PRSS23: variants seen among roughly 807,000 people sequenced by gnomAD.
The protein encoded by PRSS23 is protease, serine 23.
PRSS23 carries 25 observed loss-of-function variants against 34.7 expected under a neutral mutation model. That is an observed-to-expected ratio of 0.72 (90% CI 0.53 to 1.01). PRSS23 has a LOEUF of 1.01. PRSS23 is among the 50% of genes least tolerant of loss of function. PRSS23 has a pLI of 0.00. For synonymous variants in PRSS23, 176 were observed against 186.6 expected (o/e 0.94, Z 0.46); for missense variants, 445 against 475.6 (o/e 0.94, Z 0.60).
intron 2 of PRSS23, among the ~76,000 whole-genome samples, chr11:86,842,815 A>C (rs961845148): frequency 1.3e-4 from 20 of 152,228 alleles, no homozygotes; most frequent in African/African-American, 4.8e-4. Flanking sequence ...ATGGGTAGGA[A>C]GAATCAATAT....
chr11:86,800,253 C>A, upstream of PRSS23: 1 of 167,314 alleles, frequency 6.0e-6, no homozygotes, highest in Non-Finnish European at 1.2e-5. Flanking sequence ...GGGTCCCGGG[C>A]AGGAGAGCCC....
intron 1 of PRSS23, among the ~76,000 whole-genome samples, chr11:86,804,682 C>T (rs1274952192): frequency 1.3e-5 from 2 of 152,174 alleles, no homozygotes; most frequent in Non-Finnish European, 2.9e-5. Flanking sequence ...AATATTCTAT[C>T]ATGCAGTAGA....
At chr11:86,877,951 G>C (rs1948736088) in intron 2 of PRSS23, among the ~76,000 whole-genome samples, 1 of 151,402 alleles carries the variant, frequency 6.6e-6, no homozygotes, top group Admixed American at 6.6e-5. Context: ...GTATTACCAT[G>C]TTGACAATAT....
chr11:86,879,809 C>A (rs1413986950), intron 2 of PRSS23, among the ~76,000 whole-genome samples: 84 of 78,638 alleles, frequency 1.1e-3, no homozygotes, highest in African/African-American at 1.4e-3. Flanking sequence ...CCGCCCCGTC[C>A]GGGAGGGAGG....
intron 2 of PRSS23, among the ~76,000 whole-genome samples, chr11:86,898,402 T>C (rs1948890586): frequency 6.6e-6 from 1 of 152,216 alleles, no homozygotes; most frequent in South Asian, 2.1e-4. Flanking sequence ...ATTTGATATA[T>C]AAGGATGCTA....
chr11:86,806,209 C>T (rs1487698071), intron 1 of PRSS23, among the ~76,000 whole-genome samples: 2 of 152,238 alleles, frequency 1.3e-5, no homozygotes, highest in African/African-American at 2.4e-5. Flanking sequence ...CTCTACTCCA[C>T]CCTTGCTGAG....
At chr11:86,905,190 G>C (rs77863647) in intron 2 of PRSS23, among the ~76,000 whole-genome samples, 2 of 152,168 alleles carry the variant, frequency 1.3e-5, no homozygotes, top group Admixed American at 6.5e-5. Flanking sequence ...TAGACTGTGC[G>C]CTAAAGGCAG....
At chr11:86,879,703 G>A (rs1230755836) in intron 2 of PRSS23, among the ~76,000 whole-genome samples, 3 of 133,364 alleles carry the variant, frequency 2.2e-5, no homozygotes, top group Non-Finnish European at 3.3e-5. Context: ...CCGGCCAGCC[G>A]CCCCATCCGG....
At chr11:86,866,602 G>A (rs1948651062) in intron 2 of PRSS23, among the ~76,000 whole-genome samples, 1 of 152,170 alleles carries the variant, frequency 6.6e-6, no homozygotes, top group Non-Finnish European at 1.5e-5. Flanking sequence ...TTAAGGATGA[G>A]CAAGATACCC....
At chr11:86,910,433 T>TG (rs935153518) in intron 2 of PRSS23, 16 of 152,318 alleles carry the variant, frequency 1.1e-4, no homozygotes, top group Middle Eastern at 3.4e-3. Flanking sequence ...CAGAATTGTT[T>TG]GGCCCCCGTA....
intron 2 of PRSS23, among the ~76,000 whole-genome samples, chr11:86,855,841 T>C (rs373544754): frequency 1.3e-5 from 2 of 152,206 alleles, no homozygotes; most frequent in East Asian, 3.8e-4. Flanking sequence ...TGAGGACATG[T>C]AATATTTGTC....
At chr11:86,830,746 G>T (rs968281263) in intron 2 of PRSS23, among the ~76,000 whole-genome samples, 1 of 152,074 alleles carries the variant, frequency 6.6e-6, no homozygotes, top group Non-Finnish European at 1.5e-5. Context: ...TATCACAGAG[G>T]TGTACACCCT....
At chr11:86,923,454 A>G (rs1269770177) in intron 2 of PRSS23, among the ~76,000 whole-genome samples, 1 of 152,168 alleles carries the variant, frequency 6.6e-6, no homozygotes, top group Admixed American at 6.6e-5. Flanking sequence ...AATTACATGT[A>G]TGGCTTATAC....
intron 2 of PRSS23, among the ~76,000 whole-genome samples, chr11:86,881,030 A>T (rs1948769130): frequency 6.6e-6 from 1 of 152,076 alleles, no homozygotes. Flanking sequence ...CGATTATTTG[A>T]TTGCTTTTTT....
intron 2 of PRSS23, among the ~76,000 whole-genome samples, chr11:86,829,443 C>T (rs1463194587): frequency 1.3e-5 from 2 of 152,156 alleles, no homozygotes; most frequent in African/African-American, 2.4e-5. Flanking sequence ...GTTTGAATTT[C>T]CTCCTGTAGC....
intron 1 of PRSS23, among the ~76,000 whole-genome samples, chr11:86,794,567 T>C (rs1012205798): frequency 1.3e-5 from 2 of 152,212 alleles, no homozygotes; most frequent in Admixed American, 6.5e-5. Context: ...CCTACAATAA[T>C]TTTGTATGTT....
At chr11:86,815,581 C>T (rs1189644065), downstream of PRSS23, among the ~76,000 whole-genome samples, 4 of 152,184 alleles carry the variant, frequency 2.6e-5, no homozygotes, top group Non-Finnish European at 4.4e-5. Flanking sequence ...GTATTCTGTT[C>T]TATTCTAGCA....
At chr11:86,858,423 C>G (rs1159192844) in intron 2 of PRSS23, among the ~76,000 whole-genome samples, 1 of 151,852 alleles carries the variant, frequency 6.6e-6, no homozygotes, top group Non-Finnish European at 1.5e-5. Flanking sequence ...GGGGTGCACA[C>G]AACCCTGTGA....
chr11:86,824,388 A>T (rs1246265391), intron 2 of PRSS23, among the ~76,000 whole-genome samples: 1 of 144,670 alleles, frequency 6.9e-6, no homozygotes, highest in Admixed American at 6.8e-5. Flanking sequence ...ATAAAAAAAC[A>T]AAATGGAGGA....
Sources: gnomAD v4.1 joint callset for allele counts (sites outside exome capture counted in the v4.1 genomes callset) on GRCh38, gnomAD v4.1.1 for gene constraint, MANE v1.5 for transcripts, NCBI Gene and HGNC (gene_info 2026-07-23, HGNC 2026-07-21) for gene names.